Variants in SLIT3 observed in about 807,000 individuals in gnomAD.
SLIT3 encodes the protein slit guidance ligand 3.
In SLIT3, 68 loss-of-function variants were observed where a neutral mutation model predicts 184.0. The observed-to-expected ratio is 0.37, with a 90% CI of 0.30 to 0.45. The LOEUF (loss-of-function observed/expected upper bound fraction) is 0.45. Ranked by LOEUF, SLIT3 falls within the 20% of genes least tolerant of loss-of-function variation. The probability of loss-of-function intolerance (pLI) is 1.00; values close to 1 mark genes in which losing one functional copy is unlikely to be tolerated. For synonymous variants in SLIT3, 831 were observed against 828.6 expected, an observed-to-expected ratio of 1.00 and a Z score of -0.05; for missense variants, 1,707 against 2,026.0, an observed-to-expected ratio of 0.84 and a Z score of 3.02.
At chr5:169,094,702 T>C (rs886364896) in intron 4 of SLIT3, among the ~76,000 whole-genome samples, 8 of 152,226 alleles carry the variant, frequency 5.3e-5, no homozygotes, top group Admixed American at 4.6e-4. Context: ...GTGGGCAGAA[T>C]AGAGTGCTGA....
chr5:169,091,769 C>G (rs1317569681), intron 4 of SLIT3, among the ~76,000 whole-genome samples: 2 of 152,194 alleles, frequency 1.3e-5, no homozygotes, highest in Non-Finnish European at 2.9e-5. Flanking sequence ...CGTGGCGAAG[C>G]TGGACCGGCC....
intron 10 of SLIT3, 137 bp downstream of exon 10, chr5:168,795,370 A>G (rs750157748): frequency 2.4e-4 from 169 of 699,100 alleles, no homozygotes; most frequent in Non-Finnish European, 4.0e-4. Context: ...AGCTTAGGAC[A>G]GCGTTCCAGG....
chr5:169,086,432 G>A (rs1223254121), intron 4 of SLIT3, among the ~76,000 whole-genome samples: 1 of 152,214 alleles, frequency 6.6e-6, no homozygotes, highest in African/African-American at 2.4e-5. Context: ...ACACCAATGA[G>A]ATTCCTTTAT....
At chr5:168,739,296 T>C (rs1283875063) in intron 20 of SLIT3, among the ~76,000 whole-genome samples, 1 of 152,186 alleles carries the variant, frequency 6.6e-6, no homozygotes, top group Admixed American at 6.5e-5. Context: ...CTGGTACAAG[T>C]GCAGTTCCAC....
chr5:169,237,102 C>T (rs35184667), intron 3 of SLIT3, among the ~76,000 whole-genome samples: 37,407 of 152,070 alleles, frequency 0.25, 5,433 homozygotes, highest in Non-Finnish European at 0.34. Flanking sequence ...TGTGCAGTTC[C>T]TTTTGCCTTT....
Position 168,722,995 on chromosome 5 carries a change from G to T in SLIT3, c.2349C>A (p.Ser783Arg). 2 of 1,613,642 alleles carry T rather than the reference G, an allele frequency of 1.2e-6. No individual in the cohort carries two copies. Among genetic ancestry groups the T allele is most frequent in the Admixed American group, 3.3e-5 (2 of 60,020 alleles). Residue 783 changes from serine to arginine, a missense_variant, in exon 22 of 36, where the codon AGC becomes AGA. Ser to Arg is a moderately radical substitution (Grantham distance 110). Transcript: ENST00000519560. ...ALRHLTLIDL[S>R]NNSISMLTNY... is the part of the protein sequence containing the mutation. ...TGGTCAGCATGCTGATGCTGTTGTTGCTCAGGTCACTAGGAAAAGTAAAAC... is the reference window on the plus strand; with the variant it reads ...TGGTCAGCATGCTGATGCTGTTGTTTCTCAGGTCACTAGGAAAAGTAAAAC...
chr5:168,682,091 C>G (rs547170236), intron 32 of SLIT3, among the ~76,000 whole-genome samples: 2 of 152,352 alleles, frequency 1.3e-5, no homozygotes, highest in South Asian at 4.1e-4. Context: ...GGACCTGTGG[C>G]TCCAGGGACA....
chr5:169,101,370 T>G (rs1317466762), intron 4 of SLIT3, among the ~76,000 whole-genome samples: 1 of 152,190 alleles, frequency 6.6e-6, no homozygotes, highest in Non-Finnish European at 1.5e-5. Flanking sequence ...CCTCCCACCA[T>G]GGAAACTTGC....
At chr5:169,132,620 C>T (rs1404321222) in intron 4 of SLIT3, among the ~76,000 whole-genome samples, 1 of 152,144 alleles carries the variant, frequency 6.6e-6, no homozygotes, top group South Asian at 2.1e-4. Context: ...TCTAAGTTTG[C>T]ATGAACTAAG....
intron 1 of SLIT3, among the ~76,000 whole-genome samples, chr5:169,275,941 C>G (rs1281898295): frequency 6.6e-6 from 1 of 152,028 alleles, no homozygotes; most frequent in Non-Finnish European, 1.5e-5. Context: ...GATTGTAAAA[C>G]TGGTCCCTCT....
intron 4 of SLIT3, chr5:169,120,445 G>A (rs1365677979): frequency 6.6e-6 from 1 of 152,204 alleles, no homozygotes; most frequent in Non-Finnish European, 1.5e-5. Flanking sequence ...GACAGAGGAA[G>A]GAGCCTTGAG....
chr5:168,831,585 T>G (rs1393215198), intron 6 of SLIT3, among the ~76,000 whole-genome samples: 1 of 152,166 alleles, frequency 6.6e-6, no homozygotes, highest in Non-Finnish European at 1.5e-5. Context: ...ATTTGACACC[T>G]CAAATTAGCA....
intron 4 of SLIT3, among the ~76,000 whole-genome samples, chr5:169,167,527 C>A (rs59810111): frequency 3.1e-4 from 47 of 152,084 alleles, no homozygotes; most frequent in Non-Finnish European, 5.7e-4. Flanking sequence ...CCGCTTACAT[C>A]GGCCTCCCAA....
chr5:168,880,019 C>T (rs1759890235), intron 5 of SLIT3, among the ~76,000 whole-genome samples: 1 of 152,192 alleles, frequency 6.6e-6, no homozygotes, highest in Non-Finnish European at 1.5e-5. Flanking sequence ...AATCGTTTTT[C>T]ACTTCCTTTT....
At chr5:168,751,559 A>T (rs1754712237) in intron 18 of SLIT3, among the ~76,000 whole-genome samples, 1 of 152,180 alleles carries the variant, frequency 6.6e-6, no homozygotes, top group Non-Finnish European at 1.5e-5. Flanking sequence ...AACAAGAGGC[A>T]CAGCCAGGAT....
Position 168,882,171 on chromosome 5 carries a change from C to CT in SLIT3, c.485+1093dup, listed in dbSNP as rs547100853. On this transcript the variant is annotated intron_variant, in intron 5 of 35. Transcript: ENST00000519560. Reference sequence around the variant, plus strand: ...TCATTACAGGGAAAAGTGACAATGTCTTTTTTTTAAGCCTCCCTTAAGACG... The same window carrying CT: ...TCATTACAGGGAAAAGTGACAATGTCTTTTTTTTTAAGCCTCCCTTAAGACG... Among the ~76,000 whole-genome samples the CT allele has an allele frequency of 1.1e-4, 16 of 152,126 alleles. No individual in the cohort carries two copies. In the South Asian group the frequency reaches 3.1e-3, roughly 30 times the overall value.
rs551893384 is a variant in SLIT3, at chr5:168,671,253, C to T, written c.4072G>A (p.Gly1358Ser). ...TGATCGCAGAGTGGGCCGGTCCAGC[C>T]TGGGCGGCACTCGCACACCACGCTG... ...KDSVVCECRPGWTGPLCDQEA... is the reference protein window; with the variant it reads ...KDSVVCECRPSWTGPLCDQEA... The change falls in exon 34 of 36, where the codon GGC (glycine) becomes AGC (serine). Residue 1358 changes from glycine to serine, a missense_variant. Gly to Ser is a moderately conservative substitution (Grantham distance 56). Around this residue, in one of 3 missense-constraint regions of SLIT3, gnomAD observed 387 missense variants for 477.9 expected, o/e 0.81. Coordinates refer to ENST00000519560, the MANE Select transcript of SLIT3 (RefSeq NM_003062.4). 1.9e-6 allele frequency: 3 copies of T among 1,613,440 alleles called. No homozygotes were observed. The highest frequency in any genetic ancestry group is 2.7e-5 in the African/African-American group (2 of 75,056).
intron 4 of SLIT3, among the ~76,000 whole-genome samples, chr5:169,021,602 C>T (rs187744792): frequency 1.8e-4 from 28 of 152,272 alleles, no homozygotes; most frequent in Admixed American, 1.4e-3. Flanking sequence ...CGACCTGCCT[C>T]GGCCTCCCAG....
intron 4 of SLIT3, among the ~76,000 whole-genome samples, chr5:169,104,945 G>A (rs377235493): frequency 2.3e-4 from 35 of 152,216 alleles, no homozygotes; most frequent in South Asian, 8.3e-4. Context: ...AAACATGCGC[G>A]CCATTTTCAT....
Sources: allele counts gnomAD v4.1 joint callset (sites outside exome capture counted in the v4.1 genomes callset), GRCh38; gene constraint gnomAD v4.1.1; regional missense constraint gnomAD v4.1.1; transcripts MANE v1.5; gene names NCBI Gene and HGNC (gene_info 2026-07-23, HGNC 2026-07-21).